MACF1: variants seen among roughly 807,000 people sequenced by gnomAD.
MACF1 encodes microtubule-actin cross-linking factor 1.
In MACF1, 193 loss-of-function variants were observed where a neutral mutation model predicts 854.8. That is an observed-to-expected ratio of 0.23 (90% CI 0.20 to 0.25). The LOEUF is 0.25. Among genes scored for constraint, MACF1 ranks in the 10% least tolerant of loss-of-function variants. The pLI, the probability that MACF1 is intolerant of heterozygous loss-of-function variation, is 1.00. For missense variants in MACF1, 7,722 were observed against 8,929.1 expected (o/e 0.86, Z 5.45); for synonymous variants, 3,185 against 3,226.7 (o/e 0.99, Z 0.44).
Position 39,479,875 on chromosome 1 carries a change from C to A in MACF1, c.22036C>A (p.Arg7346Ser). The A allele has an allele frequency of 1.2e-6, 2 of 1,614,240 alleles. No homozygotes were observed. Among genetic ancestry groups the A allele is most frequent in the Non-Finnish European group, 8.5e-7 (1 of 1,180,030 alleles). The change falls in exon 98 of 101, where the codon CGC becomes AGC. Residue 7346 changes from arginine (R) to serine (S), a missense_variant. Coordinates refer to ENST00000564288, the MANE Select transcript of MACF1 (RefSeq NM_001394062.1). ...AGCATCCCAGGGAATGACCCCCTTC[C>A]GCTCACGGGGTCGAAGGTCCAAACC... Reference protein sequence around the residue: ...EGASQGMTPFRSRGRRSKPSS... With the variant: ...EGASQGMTPFSSRGRRSKPSS...
intron 69 of MACF1, among the ~76,000 whole-genome samples, chr1:39,434,878 C>T (rs1316996865): frequency 6.6e-6 from 1 of 152,086 alleles, no homozygotes; most frequent in Non-Finnish European, 1.5e-5. Flanking sequence ...AAAGAACTCA[C>T]TAAAAATCAA....
At chr1:39,415,361 T>C (rs1643251969) in intron 58 of MACF1, among the ~76,000 whole-genome samples, 1 of 151,170 alleles carries the variant, frequency 6.6e-6, no homozygotes, top group Non-Finnish European at 1.5e-5. Flanking sequence ...GGAGTCTGGC[T>C]CTGTCAGTCA....
At chr1:39,266,572 G>C (rs1645234104) in intron 6 of MACF1, among the ~76,000 whole-genome samples, 1 of 127,254 alleles carries the variant, frequency 7.9e-6, no homozygotes, top group Admixed American at 7.9e-5. Flanking sequence ...GCTTCTTGTT[G>C]CTTTCCTTTT....
rs375154079 is a variant in MACF1, at chr1:39,411,870, G to C, written c.15817-10504G>C. The stretch of plus-strand genomic sequence containing the variant: ...GGGCAAAAGATTATGATACTAGATT[G>C]GATTGTGGATATTTTAATACCCTGG... On this transcript the variant is annotated intron_variant, in intron 58 of 100. Coordinates refer to ENST00000564288, the MANE Select transcript of MACF1 (RefSeq NM_001394062.1). 45 of 1,613,740 alleles carry C rather than the reference G, an allele frequency of 2.8e-5. No individual in the cohort carries two copies. The African/African-American group carries it at 4.0e-4, about 14-fold the overall frequency.
In MACF1 at chr1:39,385,449, T is replaced by C; in HGVS notation, c.13864T>C (p.Phe4622Leu). 1 of 1,613,706 alleles carries C rather than the reference T, an allele frequency of 6.2e-7. No individual in the cohort carries two copies. The highest frequency in any genetic ancestry group is 1.1e-5 in the South Asian group (1 of 91,074). The stretch of plus-strand genomic sequence containing the variant: ...TCTATTTCAGTTTATGCTAAAGGAA[T>C]TTGAAGCACGCAGGCAACAGCATGA... ...KQQVQFMLKE[F>L]EARRQQHEQL... Residue 4622 changes from phenylalanine to leucine, a missense_variant, in exon 57 of 101, where the codon TTT becomes CTT. By Grantham distance (22) the Phe-to-Leu change is conservative (BLOSUM62 0). Around this residue, in one of 15 missense-constraint regions of MACF1, gnomAD observed 2,807 missense variants for 3,235.8 expected, o/e 0.87. Transcript: ENST00000564288.
At chr1:39,351,440 G>A (rs1051106072) in intron 43 of MACF1, among the ~76,000 whole-genome samples, 12 of 151,966 alleles carry the variant, frequency 7.9e-5, no homozygotes, top group African/African-American at 2.7e-4. Context: ...CAGGACAGTT[G>A]GTAAAAAGTA....
intron 58 of MACF1, among the ~76,000 whole-genome samples, chr1:39,421,709 T>C (rs1318976537): frequency 1.3e-5 from 2 of 152,240 alleles, no homozygotes; most frequent in Admixed American, 1.3e-4. Flanking sequence ...TTAGGATTCA[T>C]ATACATTGCG....
At chr1:39,122,717 G>A (rs537939397) in intron 2 of MACF1, among the ~76,000 whole-genome samples, 3 of 152,312 alleles carry the variant, frequency 2.0e-5, no homozygotes, top group South Asian at 4.1e-4. Flanking sequence ...GAGTGGGGGT[G>A]GGGAAAGGTC....
Position 39,110,230 on chromosome 1 carries a change from C to CTTTTT in MACF1, c.220+25810_220+25814dup, listed in dbSNP as rs5773651. ...TTTATCCTTTTTAGTGGATGTTGTTCTTTTTTTTTTTTTTTTTTTTTTGAG... is the reference window on the plus strand; with the variant it reads ...TTTATCCTTTTTAGTGGATGTTGTTCTTTTTTTTTTTTTTTTTTTTTTTTTTTGAG... On this transcript the variant is annotated intron_variant, in intron 2 of 93. Coordinates refer to the MACF1 transcript ENST00000361689. 2.7e-3 allele frequency among the ~76,000 whole-genome samples: 231 copies of CTTTTT among 84,558 alleles called. 3 individuals are homozygous for CTTTTT. The highest frequency in any genetic ancestry group is 0.013 in the Middle Eastern group (1 of 76). The allele number at this position is 84,558 out of a possible 152,430, so 55.5% of individuals were successfully genotyped here.
rs1557674975 is a variant in MACF1, at chr1:39,477,073, A to ATACACTTAGTG, written c.21959-2723_21959-2722insCACTTAGTGTA. Among the ~76,000 whole-genome samples, 281 of 37,806 alleles carry ATACACTTAGTG rather than the reference A, an allele frequency of 7.4e-3. 11 individuals are homozygous for ATACACTTAGTG. The highest frequency in any genetic ancestry group is 8.3e-3 in the Non-Finnish European group (197 of 23,606). The allele number at this position is 37,806 out of a possible 152,430, so 24.8% of individuals were successfully genotyped here. A position where few individuals can be genotyped will look rare whatever the true frequency, so the allele number is the denominator to read the frequency against. On this transcript the variant is annotated intron_variant, in intron 97 of 100. Transcript: ENST00000564288. ...TATATATATATATATATATATATAT[A>ATACACTTAGTG]TATATATATATATATATACACACAC...
intron 70 of MACF1, chr1:39,436,529 T>C (rs779229464): frequency 1.2e-6 from 2 of 1,602,112 alleles, no homozygotes; most frequent in Admixed American, 1.7e-5. Context: ...GGTGTTCTTA[T>C]AATGCTGAAA....
intron 49 of MACF1, among the ~76,000 whole-genome samples, chr1:39,364,857 G>A (rs1411086174): frequency 1.3e-5 from 2 of 152,014 alleles, no homozygotes; most frequent in Non-Finnish European, 2.9e-5. Context: ...TGTATTTTTA[G>A]TCATAGTTTG....
intron 99 of MACF1, among the ~76,000 whole-genome samples, chr1:39,482,663 C>A (rs1170836043): frequency 6.6e-6 from 1 of 151,918 alleles, no homozygotes; most frequent in Non-Finnish European, 1.5e-5. Context: ...GGTGTGGTGG[C>A]AGGCGCCTGT....
chr1:39,239,267 C>T (rs941439843), intron 2 of MACF1, among the ~76,000 whole-genome samples: 5 of 148,856 alleles, frequency 3.4e-5, no homozygotes, highest in Admixed American at 2.1e-4. Context: ...GGTGACAGAG[C>T]GAGACTCTGT....
rs147261805 is a variant in MACF1 at position 39,096,018 on chromosome 1, A to G, written c.220+11580A>G. On this transcript the variant is annotated intron_variant, in intron 2 of 93. Transcript: ENST00000361689. ...ACCTTGTCTCTAGAGAAAATCAAAA[A>G]ATAATCCAGGCGTAGTGGCACATAC... Among the ~76,000 whole-genome samples the G allele has an allele frequency of 4.2e-3, 643 of 151,946 alleles. 2 individuals are homozygous for G. Among genetic ancestry groups the G allele is most frequent in the Admixed American group, 6.9e-3 (106 of 15,254 alleles).
intron 2 of MACF1, among the ~76,000 whole-genome samples, chr1:39,239,135 G>T (rs1414441179): frequency 6.6e-6 from 1 of 152,178 alleles, no homozygotes; most frequent in Admixed American, 6.5e-5. Context: ...ACAAAAATTA[G>T]CTGGGAGTGG....
chr1:39,439,376 A>G lies in MACF1; in HGVS notation c.18323A>G (p.Glu6108Gly). The G allele has an allele frequency of 1.2e-6, 2 of 1,614,186 alleles. No individual in the cohort carries two copies. Among genetic ancestry groups the G allele is most frequent in the Non-Finnish European group, 1.7e-6 (2 of 1,180,012 alleles). ...TTTCTTGATGTCCTTGAATTAGCAG[A>G]GAAGTTCTGGTATGACATGGCAGCT... ...IKFLDVLELA[E>G]KFWYDMAALL... Residue 6108 changes from glutamate to glycine, a missense_variant, in exon 72 of 101, where the codon GAG becomes GGG. By Grantham distance (98) the Glu-to-Gly change is moderately conservative. This residue lies in a region of MACF1 where 2,807 missense variants were observed against 3,235.8 expected (regional missense o/e 0.87). Coordinates refer to ENST00000564288, the MANE Select transcript of MACF1 (RefSeq NM_001394062.1).
At chr1:39,415,015 G>A (rs564722998) in intron 58 of MACF1, among the ~76,000 whole-genome samples, 38 of 152,218 alleles carry the variant, frequency 2.5e-4, no homozygotes, top group Admixed American at 5.2e-4. Context: ...AAGCGTATAA[G>A]ATTACCAATC....
intron 20 of MACF1, among the ~76,000 whole-genome samples, chr1:39,296,744 A>C (rs1645910227): frequency 1.5e-5 from 1 of 65,596 alleles, no homozygotes; most frequent in African/African-American, 4.5e-5. Flanking sequence ...GAAAGAAAGA[A>C]AGAAAGAAAG....
Sources: gnomAD v4.1 joint callset for allele counts (sites outside exome capture counted in the v4.1 genomes callset) on GRCh38, gnomAD v4.1.1 for gene constraint, gnomAD v4.1.1 regional missense constraint, MANE v1.5 for transcripts, NCBI Gene and HGNC (gene_info 2026-07-23, HGNC 2026-07-21) for gene names.